EPB41L4B: variants seen among roughly 807,000 people sequenced by gnomAD.
The protein encoded by EPB41L4B is band 4.1-like protein 4B.
Under a neutral mutation model 112.5 loss-of-function variants are expected in EPB41L4B, and 30 were observed. The observed-to-expected ratio is 0.27, with a 90% CI of 0.20 to 0.36. The LOEUF (loss-of-function observed/expected upper bound fraction) is 0.36, where lower values mean the gene tolerates loss of function less well. EPB41L4B is among the 10% of genes least tolerant of loss of function. The probability of loss-of-function intolerance (pLI) is 1.00; values close to 1 mark genes in which losing one functional copy is unlikely to be tolerated. For missense variants in EPB41L4B, 1,024 were observed against 1,133.3 expected, an observed-to-expected ratio of 0.90 and a Z score of 1.38; for synonymous variants, 408 against 439.7, an observed-to-expected ratio of 0.93 and a Z score of 0.90.
In EPB41L4B at chr9:109,312,762, T is replaced by C. The variant is rs373248155; in HGVS notation, c.306+7379A>G. 2.6e-5 allele frequency among the ~76,000 whole-genome samples: 4 copies of C among 152,320 alleles called. No individual in the cohort carries two copies. In the East Asian group the frequency reaches 5.8e-4, roughly 22 times the overall value. ...CAAAGGCAACTCACTCACTCACTCC[T>C]TTAAGATCCAGGCATACAGCCAGAA... On this transcript the variant is annotated intron_variant, in intron 1 of 25. Transcript: ENST00000374566.
intron 24 of EPB41L4B, among the ~76,000 whole-genome samples, chr9:109,178,080 A>C (rs983897177): frequency 1.3e-5 from 2 of 151,694 alleles, no homozygotes; most frequent in Admixed American, 6.6e-5. Context: ...CCATGCCTGG[A>C]TAATTTTTTT....
intron 1 of EPB41L4B, among the ~76,000 whole-genome samples, chr9:109,305,575 G>A (rs1471004151): frequency 2.0e-5 from 3 of 152,088 alleles, no homozygotes; most frequent in East Asian, 3.9e-4. Flanking sequence ...TGGAGACTGC[G>A]CCACTGCACT....
chr9:109,316,281 C>T (rs1248190155), intron 1 of EPB41L4B, among the ~76,000 whole-genome samples: 1 of 152,226 alleles, frequency 6.6e-6, no homozygotes, highest in African/African-American at 2.4e-5. Flanking sequence ...GCCCATGGGC[C>T]GTTCCCTCCA....
chr9:109,272,237 G>A (rs1336443797), intron 2 of EPB41L4B, among the ~76,000 whole-genome samples: 3 of 152,082 alleles, frequency 2.0e-5, no homozygotes, highest in Admixed American at 6.5e-5. Flanking sequence ...CAGAAGGATC[G>A]TTTGAGCCCA....
chr9:109,256,135 C>T lies in EPB41L4B; in HGVS notation c.929+1G>A. 6.2e-7 allele frequency: 1 copy of T among 1,611,256 alleles called. No individual in the cohort carries two copies. The highest frequency in any genetic ancestry group is 2.2e-5 in the East Asian group (1 of 44,864). On this transcript the variant is annotated splice_donor_variant, in intron 9 of 25. Coordinates refer to ENST00000374566, the MANE Select transcript of EPB41L4B (RefSeq NM_019114.5). LOFTEE classifies it high-confidence loss of function. ...TTTAATATTAGACAAAACTAAATTA[C>T]CAAAAGAATAAGCCTATTTTGTTAG... is the stretch of plus-strand genomic sequence containing the variant.
chr9:109,263,209 T>TAAGAATACAAGTCATTA, intron 5 of EPB41L4B, 107 bp from the exon 6 acceptor site: 1 of 748,108 alleles, frequency 1.3e-6, no homozygotes, highest in Non-Finnish European at 2.2e-6. Context: ...AGATAATGAC[T>TAAGAATACAAGTCATTA]TGTATTCTTA....
intron 15 of EPB41L4B, among the ~76,000 whole-genome samples, chr9:109,238,404 G>A (rs1834227324): frequency 6.6e-6 from 1 of 152,164 alleles, no homozygotes; most frequent in African/African-American, 2.4e-5. Context: ...TACTGGATAA[G>A]GTTGTTCAGA....
At chr9:109,288,190 C>T (rs190292353) in intron 1 of EPB41L4B, among the ~76,000 whole-genome samples, 17 of 152,344 alleles carry the variant, frequency 1.1e-4, no homozygotes, top group East Asian at 7.7e-4. Context: ...TCTGCTGCTG[C>T]GAGAGGATGC....
At chr9:109,231,700 T>A (rs1833956782) in intron 15 of EPB41L4B, among the ~76,000 whole-genome samples, 1 of 152,208 alleles carries the variant, frequency 6.6e-6, no homozygotes, top group Non-Finnish European at 1.5e-5. Context: ...CAAACAACTA[T>A]CAAATGATTT....
chr9:109,241,092 G>A, intron 15 of EPB41L4B: 1 of 985,538 alleles, frequency 1.0e-6, no homozygotes, highest in Non-Finnish European at 1.2e-6. Flanking sequence ...TTTTCCTTGT[G>A]ATAAAATTAG....
intron 1 of EPB41L4B, among the ~76,000 whole-genome samples, chr9:109,314,894 A>G (rs1206032680): frequency 6.6e-6 from 1 of 152,010 alleles, no homozygotes; most frequent in Non-Finnish European, 1.5e-5. Flanking sequence ...GCTGTCTTCA[A>G]CCTCCTGCGG....
chr9:109,177,403 T>C (rs1379541889), intron 24 of EPB41L4B, among the ~76,000 whole-genome samples: 2 of 152,216 alleles, frequency 1.3e-5, no homozygotes, highest in African/African-American at 4.8e-5. Context: ...GGAATTACAA[T>C]AAAGCTTCAG....
At chr9:109,280,731 T>C (rs1836002145) in intron 1 of EPB41L4B, among the ~76,000 whole-genome samples, 1 of 151,892 alleles carries the variant, frequency 6.6e-6, no homozygotes, top group Non-Finnish European at 1.5e-5. Flanking sequence ...CAGACACGCT[T>C]CTCAGATAAA....
intron 2 of EPB41L4B, among the ~76,000 whole-genome samples, chr9:109,279,308 C>T (rs1835948844): frequency 6.6e-6 from 1 of 151,762 alleles, no homozygotes; most frequent in Non-Finnish European, 1.5e-5. Context: ...CCTTGACCAT[C>T]TGGGTTCAAT....
chr9:109,296,444 G>C (rs1416853664), intron 1 of EPB41L4B, among the ~76,000 whole-genome samples: 1 of 152,182 alleles, frequency 6.6e-6, no homozygotes, highest in Non-Finnish European at 1.5e-5. Context: ...GGCTAAGTTT[G>C]ATGTCCAGTA....
chr9:109,223,375 A>G (rs578050246), intron 15 of EPB41L4B, among the ~76,000 whole-genome samples: 1 of 151,056 alleles, frequency 6.6e-6, no homozygotes, highest in South Asian at 2.1e-4. Context: ...TCCAGGCTGC[A>G]GTGTGATCCA....
chr9:109,223,354 A>G (rs976564307), intron 15 of EPB41L4B, among the ~76,000 whole-genome samples: 4 of 151,062 alleles, frequency 2.6e-5, no homozygotes, highest in Middle Eastern at 3.4e-3. Context: ...GAATTGCTTG[A>G]GCCTGGGAGG....
chr9:109,249,148 G>T lies in EPB41L4B; in HGVS notation c.1311-1359C>A, dbSNP rs373560772. Among the ~76,000 whole-genome samples the T allele has an allele frequency of 8.5e-4, 129 of 151,722 alleles. No homozygotes were observed. The South Asian group carries it at 0.025, about 30-fold the overall frequency. Reference sequence around the variant, plus strand: ...TGCCAGGAGGTGTGCTTGAAATCAAGTGTTATTGCTGGCTTCTCCAACACT... The same window carrying T: ...TGCCAGGAGGTGTGCTTGAAATCAATTGTTATTGCTGGCTTCTCCAACACT... On this transcript the variant is annotated intron_variant, in intron 13 of 25. Coordinates refer to ENST00000374566, the MANE Select transcript of EPB41L4B (RefSeq NM_019114.5).
chr9:109,192,488 T>G (rs1832493994), intron 21 of EPB41L4B, 133 bp from the exon 22 acceptor site: 5 of 561,028 alleles, frequency 8.9e-6, no homozygotes, highest in Non-Finnish European at 1.2e-5. Flanking sequence ...CCCCTTGTAT[T>G]TCCCTCACCA....
Sources: gnomAD v4.1 joint callset for allele counts (sites outside exome capture counted in the v4.1 genomes callset) on GRCh38, gnomAD v4.1.1 for gene constraint, MANE v1.5 for transcripts, NCBI Gene and HGNC (gene_info 2026-07-23, HGNC 2026-07-21) for gene names.